The following EYS variants were observed in gnomAD, a reference collection of about 807,000 sequenced individuals.
The protein encoded by EYS is protein eyes shut homolog.
A neutral mutation model predicts 282.1 loss-of-function variants in EYS; 250 were observed. The observed-to-expected ratio is 0.89, with a 90% CI of 0.80 to 0.98. The LOEUF is 0.98. Among genes scored for constraint, EYS ranks in the 50% least tolerant of loss-of-function variants. EYS has a pLI of 0.00. For missense variants in EYS, 4,016 were observed against 3,709.0 expected (o/e 1.08, Z -2.15); for synonymous variants, 1,355 against 1,282.9 (o/e 1.06, Z -1.20).
At chr6:65,350,874 C>T (rs1764247942) in intron 9 of EYS, among the ~76,000 whole-genome samples, 1 of 151,612 alleles carries the variant, frequency 6.6e-6, no homozygotes, top group Non-Finnish European at 1.5e-5. Context: ...GTGTAAGACA[C>T]TTAATTTAGT....
intron 31 of EYS, among the ~76,000 whole-genome samples, chr6:64,220,349 T>A (rs1766061694): frequency 6.6e-6 from 1 of 152,142 alleles, no homozygotes; most frequent in Non-Finnish European, 1.5e-5. Context: ...GGAATATGAA[T>A]AGTTATAGTT....
At chr6:64,343,419 A>T (rs1225010190) in intron 29 of EYS, among the ~76,000 whole-genome samples, 3 of 152,128 alleles carry the variant, frequency 2.0e-5, no homozygotes, top group Non-Finnish European at 4.4e-5. Flanking sequence ...AAAACTGCTC[A>T]ACTACATGGA....
intron 29 of EYS, among the ~76,000 whole-genome samples, chr6:64,341,902 G>A (rs560844872): frequency 6.6e-5 from 10 of 151,652 alleles, no homozygotes; most frequent in South Asian, 4.2e-4. Flanking sequence ...AAAGAATACC[G>A]AATGTGATAT....
At chr6:64,829,380 G>T (rs1040235977) in intron 19 of EYS, among the ~76,000 whole-genome samples, 8 of 151,934 alleles carry the variant, frequency 5.3e-5, no homozygotes, top group African/African-American at 1.9e-4. Flanking sequence ...GTTAGGTACT[G>T]CTTCCCTCAG....
At chr6:65,320,700 CTA>C (rs1278723960) in intron 11 of EYS, among the ~76,000 whole-genome samples, 2 of 152,216 alleles carry the variant, frequency 1.3e-5, no homozygotes, top group African/African-American at 4.8e-5. Context: ...TAGATAGCCT[CTA>C]GGGCTCAGCC....
intron 22 of EYS, among the ~76,000 whole-genome samples, chr6:64,728,385 A>G (rs1329799862): frequency 6.6e-6 from 1 of 151,912 alleles, no homozygotes. Flanking sequence ...CCCAGGCTGG[A>G]GTGCAGTGGC....
At chr6:64,548,667 G>A (rs1292561861) in intron 26 of EYS, among the ~76,000 whole-genome samples, 1 of 152,034 alleles carries the variant, frequency 6.6e-6, no homozygotes, top group East Asian at 1.9e-4. Context: ...ATCACACACT[G>A]GGGCCTGTTG....
At chr6:65,115,933 AATAACT>A (rs1225972543) in intron 12 of EYS, among the ~76,000 whole-genome samples, 2 of 140,400 alleles carry the variant, frequency 1.4e-5, no homozygotes, top group Non-Finnish European at 3.0e-5. Flanking sequence ...CTCTCAATGA[AATAACT>A]ATGTCTGTCT....
intron 26 of EYS, among the ~76,000 whole-genome samples, chr6:64,508,876 AT>A (rs1027736293): frequency 8.6e-5 from 13 of 151,924 alleles, no homozygotes; most frequent in African/African-American, 1.5e-4. Context: ...TTACTGTATC[AT>A]TAGGTTAAAG....
At chr6:64,768,834 C>G (rs989288144) in intron 22 of EYS, among the ~76,000 whole-genome samples, 1 of 152,118 alleles carries the variant, frequency 6.6e-6, no homozygotes, top group African/African-American at 2.4e-5. Flanking sequence ...ATCATATCTT[C>G]TACCCTTCCG....
At chr6:65,215,395 A>G (rs946603711) in intron 12 of EYS, among the ~76,000 whole-genome samples, 1 of 152,196 alleles carries the variant, frequency 6.6e-6, no homozygotes, top group Non-Finnish European at 1.5e-5. Context: ...GAGAACTAGA[A>G]TTAGAAGAAG....
intron 31 of EYS, among the ~76,000 whole-genome samples, chr6:64,177,790 A>T (rs1483814692): frequency 6.6e-6 from 1 of 152,136 alleles, no homozygotes; most frequent in Non-Finnish European, 1.5e-5. Flanking sequence ...GATGCAATTA[A>T]AGAGTCTTTA....
intron 12 of EYS, among the ~76,000 whole-genome samples, chr6:65,251,214 A>C (rs1005735059): frequency 2.6e-5 from 4 of 151,662 alleles, no homozygotes; most frequent in African/African-American, 9.7e-5. Context: ...TCTTCCAACA[A>C]AAAAATTAAA....
intron 5 of EYS, among the ~76,000 whole-genome samples, chr6:65,434,524 G>A (rs1768002402): frequency 6.6e-6 from 1 of 152,028 alleles, no homozygotes; most frequent in African/African-American, 2.4e-5. Flanking sequence ...GTTTCACCAT[G>A]TTAGCCAGGA....
chr6:65,643,067 C>T (rs146734738), intron 1 of EYS, among the ~76,000 whole-genome samples: 3 of 152,222 alleles, frequency 2.0e-5, no homozygotes, highest in Admixed American at 1.3e-4. Context: ...CTACTGCAGG[C>T]TCCCTGAGAT....
chr6:65,632,614 T>G (rs1351240755), intron 2 of EYS, among the ~76,000 whole-genome samples: 1 of 152,228 alleles, frequency 6.6e-6, no homozygotes, highest in Non-Finnish European at 1.5e-5. Context: ...CATTGAAAGG[T>G]CAGCGTTGCT....
At chr6:65,187,313 AG>A (rs2150237286) in intron 12 of EYS, among the ~76,000 whole-genome samples, 1 of 151,880 alleles carries the variant, frequency 6.6e-6, no homozygotes, top group African/African-American at 2.4e-5. Context: ...AGGACATCAA[AG>A]AATAGAGGTT....
intron 31 of EYS, among the ~76,000 whole-genome samples, chr6:64,163,865 A>C (rs1343909302): frequency 6.6e-6 from 1 of 152,126 alleles, no homozygotes; most frequent in Non-Finnish European, 1.5e-5. Context: ...TAGGGGAGAG[A>C]AGCAGACATG....
Position 65,336,442 on chromosome 6 carries a change from TA to T in EYS, c.1600-1297del, listed in dbSNP as rs1332627398. On this transcript the variant is annotated intron_variant, in intron 10 of 42. Coordinates refer to ENST00000503581, the MANE Select transcript of EYS (RefSeq NM_001142800.2). ...TGTGACAGAAATATATATGTATGTG[TA>T]AATATATGTATGTATATATATGTAT... Among the ~76,000 whole-genome samples the T allele has an allele frequency of 2.8e-4, 42 of 151,866 alleles. 2 individuals are homozygous for T. The highest frequency in any genetic ancestry group is 7.0e-4 in the African/African-American group (29 of 41,522).
Sources: gnomAD v4.1 joint callset for allele counts (sites outside exome capture counted in the v4.1 genomes callset) on GRCh38, gnomAD v4.1.1 for gene constraint, MANE v1.5 for transcripts, NCBI Gene and HGNC (gene_info 2026-07-23, HGNC 2026-07-21) for gene names.